The following ANK1 variants were observed in gnomAD, a reference collection of about 807,000 sequenced individuals.
ANK1 encodes ankyrin-1.
ANK1 carries 51 observed loss-of-function variants against 210.4 expected under a neutral mutation model. The observed-to-expected ratio is 0.24, with a 90% CI of 0.19 to 0.31. ANK1 has a LOEUF of 0.31. ANK1 is among the 10% of genes least tolerant of loss of function. The pLI, the probability that ANK1 is intolerant of heterozygous loss-of-function variation, is 1.00. For synonymous variants in ANK1, 967 were observed against 1,025.9 expected (o/e 0.94, Z 1.10); for missense variants, 2,051 against 2,504.4 (o/e 0.82, Z 3.86).
intron 38 of ANK1, among the ~76,000 whole-genome samples, chr8:41,669,352 A>T (rs1361821532): frequency 6.6e-6 from 1 of 151,994 alleles, no homozygotes; most frequent in Admixed American, 6.6e-5. Context: ...GCTGCAGTGC[A>T]GTGGTACAAT....
chr8:41,786,115 C>T (rs1274237089), intron 1 of ANK1, among the ~76,000 whole-genome samples: 5 of 152,166 alleles, frequency 3.3e-5, no homozygotes, highest in Admixed American at 2.0e-4. Flanking sequence ...CCTTTTGGCG[C>T]GGTTTGTGGT....
chr8:41,830,704 A>G (rs1261592720), intron 1 of ANK1, among the ~76,000 whole-genome samples: 1 of 152,182 alleles, frequency 6.6e-6, no homozygotes, highest in Non-Finnish European at 1.5e-5. Context: ...TAAGAAAAGC[A>G]AACAGCTCCT....
rs186020985 is a variant in ANK1, at chr8:41,693,140, G to A, written c.3594C>T (p.Asn1198=). Residue 1198 remains asparagine (N), a synonymous_variant, in exon 30 of 43, where the codon AAC becomes AAT. Transcript: ENST00000289734. ...ITGTTKLVYA[N]ECANFTTNVS... ...CATTGGTGGTGAAGTTGGCGCACTCGTTGGCATATACAAGTTTGGTGGTTC... is the reference window on the plus strand; with the variant it reads ...CATTGGTGGTGAAGTTGGCGCACTCATTGGCATATACAAGTTTGGTGGTTC... 7.0e-5 allele frequency: 113 copies of A among 1,613,862 alleles called. No individual in the cohort carries two copies. The highest frequency in any genetic ancestry group is 3.6e-4 in the African/African-American group (27 of 75,040).
chr8:41,743,699 A>T (rs972919844), intron 2 of ANK1, among the ~76,000 whole-genome samples: 2 of 152,248 alleles, frequency 1.3e-5, no homozygotes, highest in African/African-American at 2.4e-5. Flanking sequence ...AGTGGCATTC[A>T]GGCCTCCTGC....
chr8:41,688,805 C>T (rs555155481), intron 33 of ANK1, among the ~76,000 whole-genome samples: 2 of 152,162 alleles, frequency 1.3e-5, no homozygotes, highest in Non-Finnish European at 2.9e-5. Context: ...TAATCACAGT[C>T]GTAATAACGG....
chr8:41,732,821 G>A (rs1056828329), intron 3 of ANK1, among the ~76,000 whole-genome samples: 1 of 151,516 alleles, frequency 6.6e-6, no homozygotes, highest in East Asian at 2.0e-4. Context: ...CTCCACCTCC[G>A]CTTGAGGCAG....
intron 4 of ANK1, among the ~76,000 whole-genome samples, 190 bp downstream of exon 4, chr8:41,727,718 G>A (rs533827686): frequency 1.2e-4 from 18 of 152,272 alleles, no homozygotes; most frequent in African/African-American, 3.4e-4. Flanking sequence ...CTTAGGACAC[G>A]CGGTCTATGC....
At chr8:41,808,181 A>G (rs556549424) in intron 1 of ANK1, among the ~76,000 whole-genome samples, 1 of 152,310 alleles carries the variant, frequency 6.6e-6, no homozygotes, top group African/African-American at 2.4e-5. Context: ...GCACCAACTC[A>G]GACAGCTCTG....
intron 1 of ANK1, among the ~76,000 whole-genome samples, chr8:41,764,563 T>C (rs1248408874): frequency 6.6e-6 from 1 of 152,168 alleles, no homozygotes; most frequent in East Asian, 1.9e-4. Context: ...GGAGGCCTGC[T>C]CATCCTATAC....
At chr8:41,763,195 CA>C (rs1840845432) in intron 1 of ANK1, among the ~76,000 whole-genome samples, 1 of 130,538 alleles carries the variant, frequency 7.7e-6, no homozygotes, top group Non-Finnish European at 1.6e-5. Flanking sequence ...GCCTGGGCGA[CA>C]GAGAGAGACT....
chr8:41,754,393 A>G (rs541793865), intron 2 of ANK1, among the ~76,000 whole-genome samples: 1 of 152,370 alleles, frequency 6.6e-6, no homozygotes, highest in African/African-American at 2.4e-5. Context: ...CTATACAACA[A>G]GGAACTGCCC....
Position 41,690,635 on chromosome 8 carries a change from G to C in ANK1, c.3859-36C>G, listed in dbSNP as rs191350427. The stretch of plus-strand genomic sequence containing the variant: ...GGAAAAGCAGATACAGCTTGTCAGG[G>C]AGAGAAGGGCCCAGATGTCCCTCCT... On this transcript the variant is annotated intron_variant, in intron 31 of 42. Transcript: ENST00000289734. 3,932 of 1,604,988 alleles carry C rather than the reference G, an allele frequency of 2.4e-3. 34 individuals are homozygous for C. Among genetic ancestry groups the C allele is most frequent in the South Asian group, 0.016 (1,469 of 90,982 alleles).
At chr8:41,844,926 T>C (rs1809730379) in intron 1 of ANK1, among the ~76,000 whole-genome samples, 1 of 152,066 alleles carries the variant, frequency 6.6e-6, no homozygotes, top group Non-Finnish European at 1.5e-5. Context: ...GGGATGCGCT[T>C]TCTGGACCTG....
intron 37 of ANK1, among the ~76,000 whole-genome samples, chr8:41,673,392 A>G (rs1208463554): frequency 2.0e-5 from 3 of 152,186 alleles, no homozygotes; most frequent in South Asian, 2.1e-4. Context: ...AGGGAAGGAA[A>G]GGCCACCCAG....
chr8:41,818,719 A>G (rs565994762), intron 1 of ANK1, among the ~76,000 whole-genome samples: 2 of 151,062 alleles, frequency 1.3e-5, no homozygotes, highest in South Asian at 4.2e-4. Flanking sequence ...CGTGGGTTTC[A>G]GCAATCCTCC....
intron 1 of ANK1, among the ~76,000 whole-genome samples, chr8:41,864,390 G>A (rs1024686352): frequency 5.9e-5 from 9 of 152,060 alleles, no homozygotes; most frequent in South Asian, 2.1e-4. Context: ...TTGATTGGCC[G>A]GTGGGATGTG....
chr8:41,850,339 A>G (rs1280104235), intron 1 of ANK1, among the ~76,000 whole-genome samples: 1 of 152,182 alleles, frequency 6.6e-6, no homozygotes, highest in Admixed American at 6.5e-5. Context: ...CATTTTTCAT[A>G]ATAAAAATTT....
chr8:41,690,703 G>A, intron 31 of ANK1, 104 bp from the exon 32 acceptor site: 2 of 1,501,180 alleles, frequency 1.3e-6, no homozygotes, highest in South Asian at 2.3e-5. Flanking sequence ...CCCTGCCTCA[G>A]CAAGAGGCAT....
At chr8:41,791,198 T>G (rs1173923896) in intron 1 of ANK1, among the ~76,000 whole-genome samples, 2 of 127,236 alleles carry the variant, frequency 1.6e-5, no homozygotes, top group African/African-American at 5.9e-5. Context: ...AACTTTGTTT[T>G]TTTTTTTTTT....
Sources: gnomAD v4.1 joint callset for allele counts (sites outside exome capture counted in the v4.1 genomes callset) on GRCh38, gnomAD v4.1.1 for gene constraint, MANE v1.5 for transcripts, NCBI Gene and HGNC (gene_info 2026-07-23, HGNC 2026-07-21) for gene names.